The following OMA1 variants were observed in gnomAD, a reference collection of about 807,000 sequenced individuals.
OMA1 encodes metalloendopeptidase OMA1, mitochondrial.
In OMA1, 38 loss-of-function variants were observed where a neutral mutation model predicts 30.9. The observed-to-expected ratio is 1.23, with a 90% confidence interval of 0.95 to 1.61. The LOEUF (loss-of-function observed/expected upper bound fraction) is 1.61. Among genes scored for constraint, OMA1 ranks in the 40% most tolerant of loss-of-function variants. The pLI, the probability that OMA1 is intolerant of heterozygous loss-of-function variation, is 0.00. For missense variants in OMA1, 461 were observed against 349.2 expected (o/e 1.32, Z -2.55); for synonymous variants, 173 against 121.9 (o/e 1.42, Z -2.76).
At chr1:58,517,437 G>C (rs1646175058) in intron 7 of OMA1, among the ~76,000 whole-genome samples, 1 of 152,102 alleles carries the variant, frequency 6.6e-6, no homozygotes, top group South Asian at 2.1e-4. Context: ...ATCTTCATCA[G>C]GATAATTACT....
At chr1:58,517,905 G>C (rs1557449854) in intron 7 of OMA1, among the ~76,000 whole-genome samples, 1 of 151,758 alleles carries the variant, frequency 6.6e-6, no homozygotes, top group Non-Finnish European at 1.5e-5. Context: ...GTGAGTATCA[G>C]GCCGGGCACA....
intron 1 of OMA1, among the ~76,000 whole-genome samples, chr1:58,541,293 C>CAAAAAAAAAAAAAAAAAAAAAAAAAAAAA (rs71043292): frequency 3.6e-5 from 1 of 27,560 alleles, no homozygotes. Context: ...GACTCTGTCT[C>CAAAAAAAAAAAAAAAAAAAAAAAAAAAAA]AAAAAAAAAA....
chr1:58,516,610 C>T (rs1646161351), intron 7 of OMA1, among the ~76,000 whole-genome samples: 1 of 152,086 alleles, frequency 6.6e-6, no homozygotes, highest in Non-Finnish European at 1.5e-5. Flanking sequence ...CACTCATAGC[C>T]AGTAGCAGAG....
Position 58,481,194 on chromosome 1 carries a change from T to A in OMA1, c.1366-20A>T, listed in dbSNP as rs1557434208. 4 of 754,534 alleles carry A rather than the reference T, an allele frequency of 5.3e-6. No individual in the cohort carries two copies. The highest frequency in any genetic ancestry group is 2.2e-5 in the Admixed American group (1 of 45,202). 46.7% of individuals were successfully genotyped at this position (754,534 alleles called of 1,614,324 possible). A position where few individuals can be genotyped will look rare whatever the true frequency, so the allele number is the denominator to read the frequency against. On this transcript the variant is annotated intron_variant, in intron 8 of 8. Transcript: ENST00000371226. ...GAGAGCCTATAAAGAAATAATAAAA[T>A]AAAAAAATACTATATATATACATCA...
intron 8 of OMA1, among the ~76,000 whole-genome samples, chr1:58,497,953 C>T (rs1645832483): frequency 6.6e-6 from 1 of 152,270 alleles, no homozygotes; most frequent in East Asian, 1.9e-4. Flanking sequence ...TAAAAAGCTT[C>T]CATTTCCCTC....
chr1:58,530,902 T>C (rs1288327966), intron 5 of OMA1, among the ~76,000 whole-genome samples, 173 bp from the exon 6 acceptor site: 2 of 152,240 alleles, frequency 1.3e-5, no homozygotes, highest in African/African-American at 4.8e-5. Context: ...TTCCTTGGTT[T>C]ATCTACTTAT....
At chr1:58,497,960 C>T (rs1645832697) in intron 8 of OMA1, among the ~76,000 whole-genome samples, 1 of 152,106 alleles carries the variant, frequency 6.6e-6, no homozygotes, top group African/African-American at 2.4e-5. Context: ...CTTCCATTTC[C>T]CTCTTGTTAA....
intron 8 of OMA1, among the ~76,000 whole-genome samples, 154 bp from the exon 9 acceptor site, chr1:58,481,328 C>A (rs1645479051): frequency 6.6e-6 from 1 of 151,892 alleles, no homozygotes; most frequent in African/African-American, 2.4e-5. Context: ...AAAAGAGAAC[C>A]ACTGAAAAAT....
chr1:58,545,207 A>G (rs1288697444), intron 1 of OMA1, among the ~76,000 whole-genome samples: 1 of 152,216 alleles, frequency 6.6e-6, no homozygotes, highest in East Asian at 1.9e-4. Context: ...GTCTATGCAC[A>G]TCTATTCACA....
At chr1:58,503,316 T>G (rs1398788622) in intron 8 of OMA1, among the ~76,000 whole-genome samples, 2 of 152,176 alleles carry the variant, frequency 1.3e-5, no homozygotes, top group East Asian at 1.9e-4. Flanking sequence ...TTATAGTCAG[T>G]GATCCTCAGT....
At chr1:58,492,470 T>C (rs1645714543) in intron 8 of OMA1, among the ~76,000 whole-genome samples, 3 of 151,954 alleles carry the variant, frequency 2.0e-5, no homozygotes, top group African/African-American at 4.8e-5. Context: ...AATCAATGAA[T>C]CCAGGAGTTG....
intron 8 of OMA1, among the ~76,000 whole-genome samples, chr1:58,503,231 T>C (rs901259293): frequency 6.6e-6 from 1 of 152,174 alleles, no homozygotes; most frequent in African/African-American, 2.4e-5. Flanking sequence ...ATTGTTATCA[T>C]TGCTTTAGAG....
At chr1:58,522,937 G>A (rs1309334402) in intron 7 of OMA1, among the ~76,000 whole-genome samples, 2 of 152,178 alleles carry the variant, frequency 1.3e-5, no homozygotes, top group Admixed American at 1.3e-4. Flanking sequence ...GGTGGCAGAG[G>A]TAGAACGGGA....
At chr1:58,534,389 C>A (rs757320793) in intron 3 of OMA1, 58 bp from the exon 4 acceptor site, 2 of 730,742 alleles carry the variant, frequency 2.7e-6, no homozygotes, top group Non-Finnish European at 4.6e-6. Context: ...GCTTACTCTG[C>A]TTCATGGAAA....
chr1:58,543,875 A>G (rs1646660620), intron 1 of OMA1, among the ~76,000 whole-genome samples: 1 of 152,236 alleles, frequency 6.6e-6, no homozygotes. Flanking sequence ...TGCACTGTCC[A>G]ATAAGGTAGC....
intron 7 of OMA1, among the ~76,000 whole-genome samples, chr1:58,519,385 T>C (rs1646224933): frequency 6.6e-6 from 1 of 152,116 alleles, no homozygotes; most frequent in Non-Finnish European, 1.5e-5. Context: ...TGCAGACACG[T>C]GAATGACCAC....
intron 8 of OMA1, among the ~76,000 whole-genome samples, chr1:58,490,825 T>TC (rs71043290): frequency 8.4e-6 from 1 of 118,832 alleles, no homozygotes; most frequent in African/African-American, 3.7e-5. Flanking sequence ...TTTTTTTTTT[T>TC]GAGACGGACT....
rs964955805 is a variant in OMA1 at position 58,506,331 on chromosome 1, C to A, written c.1216-122G>T. ...CTTTAAGTTTTAGGGTACATGTGCA[C>A]AACGTGCAGGTTTGTTACATACGTA... On this transcript the variant is annotated intron_variant, in intron 7 of 8. Coordinates refer to ENST00000371226, the MANE Select transcript of OMA1 (RefSeq NM_145243.5). The A allele has an allele frequency of 4.0e-5, 24 of 594,388 alleles. No homozygotes were observed. The African/African-American group carries it at 4.5e-4, about 11-fold the overall frequency. 36.8% of individuals were successfully genotyped at this position (594,388 alleles called of 1,614,324 possible).
chr1:58,517,428 T>C (rs1453182361), intron 7 of OMA1, among the ~76,000 whole-genome samples: 1 of 152,194 alleles, frequency 6.6e-6, no homozygotes, highest in East Asian at 1.9e-4. Context: ...CCTATCAACA[T>C]CTTCATCAGG....
Sources: gnomAD v4.1 joint callset for allele counts (sites outside exome capture counted in the v4.1 genomes callset) on GRCh38, gnomAD v4.1.1 for gene constraint, MANE v1.5 for transcripts, NCBI Gene and HGNC (gene_info 2026-07-23, HGNC 2026-07-21) for gene names.